STIM2: variants seen among roughly 807,000 people sequenced by gnomAD.
STIM2 encodes stromal interaction molecule 2.
A neutral mutation model predicts 85.8 loss-of-function variants in STIM2; 31 were observed. The ratio of observed to expected loss-of-function variants is 0.36; its 90% CI spans 0.27 to 0.49. The LOEUF (loss-of-function observed/expected upper bound fraction) is 0.49, where lower values mean the gene tolerates loss of function less well. Among genes scored for constraint, STIM2 ranks in the 20% least tolerant of loss-of-function variants. STIM2 has a pLI of 0.98. For missense variants in STIM2, 841 were observed against 927.6 expected, an observed-to-expected ratio of 0.91 and a Z score of 1.21; for synonymous variants, 356 against 331.1, an observed-to-expected ratio of 1.08 and a Z score of -0.82.
At chr4:27,021,514 T>C in intron 11 of STIM2, 1 of 456,648 alleles carries the variant, frequency 2.2e-6, no homozygotes, top group South Asian at 1.5e-5. Context: ...GAGTGTGCAG[T>C]TGGAGACAGC....
At chr4:27,014,241 G>A (rs1445664171) in intron 10 of STIM2, among the ~76,000 whole-genome samples, 1 of 151,508 alleles carries the variant, frequency 6.6e-6, no homozygotes, top group Non-Finnish European at 1.5e-5. Context: ...TTTACTTATT[G>A]TTTTAATATT....
intron 1 of STIM2, among the ~76,000 whole-genome samples, chr4:26,864,533 C>G (rs1722324461): frequency 6.6e-6 from 1 of 152,004 alleles, no homozygotes; most frequent in Non-Finnish European, 1.5e-5. Flanking sequence ...TACATTATTT[C>G]TTACGGAATT....
At chr4:26,877,592 C>T (rs563447943) in intron 1 of STIM2, among the ~76,000 whole-genome samples, 2 of 150,868 alleles carry the variant, frequency 1.3e-5, no homozygotes, top group South Asian at 4.3e-4. Context: ...AATGCGTATA[C>T]CTCCTCTGTC....
At chr4:26,911,983 A>G (rs893532202) in intron 1 of STIM2, among the ~76,000 whole-genome samples, 5 of 152,204 alleles carry the variant, frequency 3.3e-5, no homozygotes, top group Non-Finnish European at 7.3e-5. Context: ...GAAGGAAGAC[A>G]TTATTCACTT....
chr4:26,990,678 C>T (rs1727735631), intron 3 of STIM2, among the ~76,000 whole-genome samples: 1 of 152,022 alleles, frequency 6.6e-6, no homozygotes, highest in African/African-American at 2.4e-5. Flanking sequence ...AGAAAATTTG[C>T]AAACTATCCT....
At chr4:26,918,848 A>G (rs1724691234) in intron 1 of STIM2, among the ~76,000 whole-genome samples, 1 of 152,192 alleles carries the variant, frequency 6.6e-6, no homozygotes, top group Admixed American at 6.5e-5. Flanking sequence ...TGACCAGTAA[A>G]TGTGTATTAA....
intron 1 of STIM2, among the ~76,000 whole-genome samples, chr4:26,900,868 A>G (rs1163168589): frequency 6.6e-6 from 1 of 152,144 alleles, no homozygotes; most frequent in Non-Finnish European, 1.5e-5. Context: ...CCTCTCTGTC[A>G]CTGCTGTAGC....
chr4:26,877,522 T>C (rs1300141578), intron 1 of STIM2, among the ~76,000 whole-genome samples: 1 of 152,036 alleles, frequency 6.6e-6, no homozygotes, highest in African/African-American at 2.4e-5. Context: ...GGTTGTTTTT[T>C]TTTTTTTCCT....
At chr4:26,904,791 A>G (rs1324717189) in intron 1 of STIM2, among the ~76,000 whole-genome samples, 2 of 151,792 alleles carry the variant, frequency 1.3e-5, no homozygotes, top group African/African-American at 4.8e-5. Context: ...GATGGGAGCA[A>G]AAGCCCAGCA....
In STIM2 at chr4:27,025,071, T is replaced by C. The variant is rs989084564; in HGVS notation, c.*2075T>C. ...GAGGCTGGCCAAAGAGACTGTGGGCTGTTTTCAGTCAGGGAGCATGTGCAT... is the reference window on the plus strand; with the variant it reads ...GAGGCTGGCCAAAGAGACTGTGGGCCGTTTTCAGTCAGGGAGCATGTGCAT... On this transcript the variant is annotated 3_prime_UTR_variant, in exon 12 of 12. Transcript: ENST00000467087. The C allele has an allele frequency of 6.6e-6, 1 of 152,226 alleles. No homozygotes were observed. The highest frequency in any genetic ancestry group is 2.4e-5 in the African/African-American group (1 of 41,450). The allele number at this position is 152,226 out of a possible 1,614,324, so 9.4% of individuals were successfully genotyped here.
chr4:27,024,638 C>G lies in STIM2; in HGVS notation c.*1642C>G, dbSNP rs771196459. 4 of 152,056 alleles carry G rather than the reference C, an allele frequency of 2.6e-5. No homozygotes were observed. The highest frequency in any genetic ancestry group is 4.8e-5 in the African/African-American group (2 of 41,396). The allele number at this position is 152,056 out of a possible 1,614,324, so 9.4% of individuals were successfully genotyped here. On this transcript the variant is annotated 3_prime_UTR_variant, in exon 12 of 12. Transcript: ENST00000467087. ...ATTTATATTGGCTGATATTTATATA[C>G]TTAATAGATTGAGTTCTGTAAGGGC...
At chr4:26,973,062 C>T (rs944169477) in intron 3 of STIM2, among the ~76,000 whole-genome samples, 23 of 152,070 alleles carry the variant, frequency 1.5e-4, no homozygotes, top group African/African-American at 4.1e-4. Context: ...TGGTAGTTTG[C>T]GTTTCTGTGG....
chr4:26,897,529 TATC>T (rs998248390), intron 1 of STIM2, among the ~76,000 whole-genome samples: 3 of 152,228 alleles, frequency 2.0e-5, no homozygotes, highest in Non-Finnish European at 2.9e-5. Context: ...AAATTTCTAT[TATC>T]AAGCTTCAAG....
At chr4:27,020,917 C>T (rs1728886723) in intron 11 of STIM2, 3 of 1,274,582 alleles carry the variant, frequency 2.4e-6, no homozygotes, top group Non-Finnish European at 3.3e-6. Context: ...GCTCTGTTCC[C>T]TTCTCACACT....
chr4:26,887,230 C>T lies in STIM2; in HGVS notation c.151+25861C>T, dbSNP rs75414620. Among the ~76,000 whole-genome samples, 801 of 142,500 alleles carry T rather than the reference C, an allele frequency of 5.6e-3. 3 individuals are homozygous for T. The highest frequency in any genetic ancestry group is 8.2e-3 in the Non-Finnish European group (534 of 65,414). 93.5% of individuals were successfully genotyped at this position (142,500 alleles called of 152,430 possible). ...TTTGCCTCTTGCCTTGTCCGTGATC[C>T]CTTTAAAACTTAGAATTTATTTGAG... On this transcript the variant is annotated intron_variant, in intron 1 of 11. Coordinates refer to ENST00000467087, the MANE Select transcript of STIM2 (RefSeq NM_020860.4).
intron 3 of STIM2, among the ~76,000 whole-genome samples, chr4:26,970,732 A>G (rs1329890868): frequency 6.6e-6 from 1 of 152,182 alleles, no homozygotes. Flanking sequence ...TAGTAGCATG[A>G]TTTATAATCC....
At chr4:26,991,897 A>G (rs1055594886) in intron 3 of STIM2, among the ~76,000 whole-genome samples, 5 of 152,066 alleles carry the variant, frequency 3.3e-5, no homozygotes, top group East Asian at 1.9e-4. Flanking sequence ...CAGAAACAAT[A>G]TAAGTTAACA....
At chr4:26,997,012 A>G (rs912205886) in intron 4 of STIM2, among the ~76,000 whole-genome samples, 1 of 152,164 alleles carries the variant, frequency 6.6e-6, no homozygotes. Flanking sequence ...AATAGTGAAC[A>G]TGTTACTATA....
At chr4:27,013,344 C>G (rs1484403648) in intron 10 of STIM2, among the ~76,000 whole-genome samples, 1 of 151,850 alleles carries the variant, frequency 6.6e-6, no homozygotes, top group Non-Finnish European at 1.5e-5. Context: ...TAATCTCTTG[C>G]TGTGCTTAAT....
Sources: allele counts gnomAD v4.1 joint callset (sites outside exome capture counted in the v4.1 genomes callset), GRCh38; gene constraint gnomAD v4.1.1; transcripts MANE v1.5; gene names NCBI Gene and HGNC (gene_info 2026-07-23, HGNC 2026-07-21).